Variants in DENND4A observed in about 807,000 individuals in gnomAD.
The protein encoded by DENND4A is DENN domain containing 4A, also known as C-myc promoter-binding protein.
A neutral mutation model predicts 199.3 loss-of-function variants in DENND4A; 70 were observed. The observed-to-expected ratio is 0.35, with a 90% CI of 0.29 to 0.43. The LOEUF is 0.43. DENND4A is among the 20% of genes least tolerant of loss of function. The pLI is 1.00. For missense variants in DENND4A, 1,723 were observed against 2,255.8 expected (o/e 0.76, Z 4.78); for synonymous variants, 686 against 766.9 (o/e 0.89, Z 1.74).
intron 14 of DENND4A, among the ~76,000 whole-genome samples, chr15:65,713,112 C>T (rs761915175): frequency 1.3e-5 from 2 of 152,166 alleles, no homozygotes; most frequent in African/African-American, 2.4e-5. Context: ...CTACATACTC[C>T]TCAAACCACA....
chr15:65,712,380 CATA>C (rs745333724), intron 14 of DENND4A, among the ~76,000 whole-genome samples: 42 of 152,252 alleles, frequency 2.8e-4, no homozygotes, highest in Non-Finnish European at 4.1e-4. Context: ...CAAAAACAGT[CATA>C]ATATTTTCTT....
intron 1 of DENND4A, among the ~76,000 whole-genome samples, chr15:65,778,158 G>A (rs549907677): frequency 2.9e-4 from 44 of 152,162 alleles, no homozygotes; most frequent in Non-Finnish European, 5.1e-4. Context: ...TTATGAGTAA[G>A]TATGAATAAA....
At chr15:65,706,325 T>C (rs955230708) in intron 14 of DENND4A, 101 bp from the exon 15 acceptor site, 12 of 1,135,262 alleles carry the variant, frequency 1.1e-5, no homozygotes, top group African/African-American at 6.5e-5. Flanking sequence ...CAATGGATAC[T>C]AAACAGCTAT....
intron 13 of DENND4A, among the ~76,000 whole-genome samples, chr15:65,716,229 T>C (rs1008226732): frequency 5.1e-4 from 78 of 151,962 alleles, no homozygotes; most frequent in South Asian, 2.1e-4. Flanking sequence ...TTCTTTCTTT[T>C]TTTTTTCTTT....
At chr15:65,718,632 A>G (rs888158278) in intron 12 of DENND4A, among the ~76,000 whole-genome samples, 37 of 152,210 alleles carry the variant, frequency 2.4e-4, no homozygotes, top group African/African-American at 8.9e-4. Context: ...TCAAATCTTC[A>G]TACAGAATTG....
Position 65,669,813 on chromosome 15 carries a change from C to T in DENND4A, c.4753G>A (p.Ala1585Thr). 6.2e-7 allele frequency: 1 copy of T among 1,613,384 alleles called. No homozygotes were observed. Among genetic ancestry groups the T allele is most frequent in the East Asian group, 2.2e-5 (1 of 44,858 alleles). ...TCAAAATTCCCTTGAACAGAGAGAG[C>T]AGATGTGTCAAGACCAGAGGCTGAT... ...STSASGLDTS[A>T]LSVQGNFDLN... Residue 1585 changes from alanine (A) to threonine (T), a missense_variant, in exon 27 of 33, where the codon GCT becomes ACT. Transcript: ENST00000443035.
intron 32 of DENND4A, among the ~76,000 whole-genome samples, chr15:65,663,817 CTT>C (rs78087333): frequency 2.8e-5 from 4 of 143,288 alleles, no homozygotes; most frequent in African/African-American, 2.5e-5. Flanking sequence ...ATCTGGCTAA[CTT>C]TTTTTTTTTT....
At chr15:65,730,328 T>C (rs965506496) in intron 9 of DENND4A, among the ~76,000 whole-genome samples, 2 of 152,132 alleles carry the variant, frequency 1.3e-5, no homozygotes, top group East Asian at 3.8e-4. Context: ...AGCAAGTATT[T>C]TGTTTATATA....
chr15:65,706,336 T>G lies in DENND4A; in HGVS notation c.1954-112A>C, dbSNP rs561812340. 5.5e-6 allele frequency: 6 copies of G among 1,093,262 alleles called. No individual in the cohort carries two copies. In the African/African-American group the frequency reaches 9.8e-5, roughly 18 times the overall value. The allele number at this position is 1,093,262 out of a possible 1,614,324, so 67.7% of individuals were successfully genotyped here. A position where few individuals can be genotyped will look rare whatever the true frequency, so the allele number is the denominator to read the frequency against. ...TGCACAATGGATACTAAACAGCTAT[T>G]AAAAAAGAAGAGTGAGCAAGTTCTC... On this transcript the variant is annotated intron_variant, in intron 14 of 32. Transcript: ENST00000443035.
rs62014412 is a variant in DENND4A at position 65,770,772 on chromosome 15, C to T, written c.-101-9334G>A. Among the ~76,000 whole-genome samples, 983 of 152,122 alleles carry T rather than the reference C, an allele frequency of 6.5e-3. 6 individuals carry two copies. The highest frequency in any genetic ancestry group is 0.01 in the Non-Finnish European group (706 of 68,014). ...CATCAATTTAAACTGAAGTGTCTCA[C>T]GGAGCAAAACACTAAAAGAATTTAA... is the stretch of plus-strand genomic sequence containing the variant. On this transcript the variant is annotated intron_variant, in intron 1 of 32. Coordinates refer to ENST00000443035, the MANE Select transcript of DENND4A (RefSeq NM_001320835.1).
chr15:65,709,962 T>C (rs927139399), intron 14 of DENND4A, among the ~76,000 whole-genome samples: 1 of 151,850 alleles, frequency 6.6e-6, no homozygotes, highest in Admixed American at 6.6e-5. Context: ...CTAGAAACAA[T>C]GATTATACAT....
At chr15:65,791,828 C>G (rs2077737644) in intron 1 of DENND4A, among the ~76,000 whole-genome samples, 182 bp downstream of exon 1, 1 of 152,192 alleles carries the variant, frequency 6.6e-6, no homozygotes, top group Non-Finnish European at 1.5e-5. Context: ...GCCGCGCCAT[C>G]CCGGGGCGGA....
At chr15:65,729,840 T>C (rs2075906811) in intron 9 of DENND4A, among the ~76,000 whole-genome samples, 162 bp from the exon 10 acceptor site, 1 of 152,228 alleles carries the variant, frequency 6.6e-6, no homozygotes, top group Non-Finnish European at 1.5e-5. Flanking sequence ...TGATTGCTGC[T>C]ATGATGCAGG....
chr15:65,676,734 A>G, intron 23 of DENND4A, 100 bp from the exon 24 acceptor site: 1 of 904,046 alleles, frequency 1.1e-6, no homozygotes, highest in South Asian at 2.2e-5. Flanking sequence ...CTAACTACCC[A>G]GATGATCAGC....
In DENND4A at chr15:65,667,578, T is replaced by C. The variant is rs201895318; in HGVS notation, c.5112A>G (p.Thr1704=). ...GATGATGGTCCACAAAGTCTGCTACTGTTATTGCATGATCACCTTCATTTT... is the reference window on the plus strand; with the variant it reads ...GATGATGGTCCACAAAGTCTGCTACCGTTATTGCATGATCACCTTCATTTT... ...LLENEGDHAI[T]VADFVDHHPI... The change falls in exon 29 of 33, where the codon ACA becomes ACG. Residue 1704 remains threonine (T), a synonymous_variant. Transcript: ENST00000443035. 1.2e-4 allele frequency: 201 copies of C among 1,614,062 alleles called. 1 individual carries two copies. In the East Asian group the frequency reaches 4.0e-3, roughly 32 times the overall value.
rs144966360 is a variant in DENND4A, at chr15:65,759,878, C to A, written c.-23+1482G>T. ...CATAGTATTTTATTTTATGGATATA[C>A]CATTTTTGACCTATGTGCTTACTGT... On this transcript the variant is annotated intron_variant, in intron 2 of 32. Coordinates refer to ENST00000443035, the MANE Select transcript of DENND4A (RefSeq NM_001320835.1). 9.9e-5 allele frequency among the ~76,000 whole-genome samples: 15 copies of A among 152,198 alleles called. No individual in the cohort carries two copies. The East Asian group carries it at 2.9e-3, about 29-fold the overall frequency.
chr15:65,721,493 TA>T (rs1268801070), intron 12 of DENND4A, among the ~76,000 whole-genome samples: 1 of 147,042 alleles, frequency 6.8e-6, no homozygotes, highest in Non-Finnish European at 1.5e-5. Context: ...GAAGATCAGA[TA>T]AAGAAATGAA....
chr15:65,703,015 T>C lies in DENND4A; in HGVS notation c.2088-7A>G, dbSNP rs2074927819. ...AACTGGAAATCCATTATAGCTGTTT[T>C]AGAAAAAACAAAACAAAACAAAAAA... On this transcript the variant is annotated splice_polypyrimidine_tract_variant and splice_region_variant and intron_variant, in intron 15 of 32. Coordinates refer to ENST00000443035, the MANE Select transcript of DENND4A (RefSeq NM_001320835.1). The C allele has an allele frequency of 1.9e-6, 3 of 1,608,564 alleles. No homozygotes were observed. Among genetic ancestry groups the C allele is most frequent in the East Asian group, 2.2e-5 (1 of 44,698 alleles).
intron 23 of DENND4A, among the ~76,000 whole-genome samples, chr15:65,684,725 T>C (rs1312620257): frequency 6.6e-6 from 1 of 152,120 alleles, no homozygotes; most frequent in South Asian, 2.1e-4. Context: ...AACTTATCAA[T>C]TTTTCCTTTT....
Sources: gnomAD v4.1 joint callset for allele counts (sites outside exome capture counted in the v4.1 genomes callset) on GRCh38, gnomAD v4.1.1 for gene constraint, MANE v1.5 for transcripts, NCBI Gene and HGNC (gene_info 2026-07-23, HGNC 2026-07-21) for gene names.